ANKRD22: variants seen among roughly 807,000 people sequenced by gnomAD.
The protein encoded by ANKRD22 is ankyrin repeat domain-containing protein 22.
ANKRD22 carries 24 observed loss-of-function variants against 25.7 expected under a neutral mutation model. The ratio of observed to expected loss-of-function variants is 0.93; its 90% CI spans 0.68 to 1.31. The LOEUF is 1.31. Among genes scored for constraint, ANKRD22 ranks in the 50% most tolerant of loss-of-function variants. ANKRD22 has a pLI of 0.00. For missense variants in ANKRD22, 214 were observed against 227.1 expected (o/e 0.94, Z 0.37); for synonymous variants, 84 against 84.3 (o/e 1.00, Z 0.02).
At chr10:88,825,946 A>T in intron 4 of ANKRD22, 92 bp downstream of exon 4, 1 of 1,078,382 alleles carries the variant, frequency 9.3e-7, no homozygotes, top group Non-Finnish European at 1.3e-6. Flanking sequence ...AAAATTGTCT[A>T]GGAAAATAAA....
At chr10:88,832,597 T>C (rs1011679193) in intron 1 of ANKRD22, among the ~76,000 whole-genome samples, 1 of 152,146 alleles carries the variant, frequency 6.6e-6, no homozygotes, top group African/African-American at 2.4e-5. Flanking sequence ...GGGAGGAGTT[T>C]AGGGCAGTAC....
intron 4 of ANKRD22, 84 bp downstream of exon 4, chr10:88,825,954 A>T: frequency 8.6e-7 from 1 of 1,156,892 alleles, no homozygotes; most frequent in Middle Eastern, 2.4e-4. Flanking sequence ...CTAGGAAAAT[A>T]AAGCAACTGT....
rs540250940 is a variant in ANKRD22 at position 88,824,045 on chromosome 10, T to G, written c.400-667A>C. ...GTCACCATCTTTCCCTTAAAGAGTC[T>G]CCACATGGCCCTTTACATAAACATT... On this transcript the variant is annotated intron_variant, in intron 4 of 5. Transcript: ENST00000371930. 2.6e-5 allele frequency among the ~76,000 whole-genome samples: 4 copies of G among 152,348 alleles called. No homozygotes were observed. In the South Asian group the frequency reaches 8.3e-4, roughly 32 times the overall value.
In ANKRD22 at chr10:88,823,012, C is replaced by A; in HGVS notation, c.505G>T (p.Glu169Ter). Residue 169 changes from glutamate (E) to a stop codon, truncating the protein, a stop_gained, in exon 6 of 6, where the codon GAG becomes TAG. Coordinates refer to ENST00000371930, the MANE Select transcript of ANKRD22 (RefSeq NM_144590.3). LOFTEE classifies it high-confidence loss of function. The part of the protein sequence containing the change: ...ADPTIKNKHG[E>*]SSLDIARRLK... The stretch of plus-strand genomic sequence containing the variant: ...CTCCGTGCAATATCCAGTGAGCTCT[C>A]ACCATGCTGAGGGGGGAAAAATATA... The A allele has an allele frequency of 6.2e-7, 1 of 1,613,372 alleles. No homozygotes were observed. Among genetic ancestry groups the A allele is most frequent in the Non-Finnish European group, 8.5e-7 (1 of 1,179,370 alleles).
At chr10:88,841,425 A>C (rs569054146) in intron 1 of ANKRD22, among the ~76,000 whole-genome samples, 30 of 152,172 alleles carry the variant, frequency 2.0e-4, no homozygotes, top group Non-Finnish European at 4.1e-4. Flanking sequence ...CTTCCATTTC[A>C]TTGGTGTAAC....
Position 88,850,339 on chromosome 10 carries a change from A to G in ANKRD22, c.21+1248T>C, listed in dbSNP as rs548048264. ...TCTGAAAAAGCAACCAAAATGCAGA[A>G]TCTTAGGTCCCACCCAGGTCTACAA... On this transcript the variant is annotated intron_variant, in intron 1 of 5. Transcript: ENST00000371930. 2.0e-5 allele frequency among the ~76,000 whole-genome samples: 3 copies of G among 152,150 alleles called. No individual in the cohort carries two copies. In the East Asian group the frequency reaches 5.8e-4, roughly 29 times the overall value.
At position 88,820,633 on chromosome 10, in the gene ANKRD22, C is replaced by G; in HGVS notation, c.*2308G>C. On this transcript the variant is annotated 3_prime_UTR_variant, in exon 6 of 6. Transcript: ENST00000371930. ...CCTGCACTTGGCACTAAATCCGACA[C>G]TTACATTTACATTTTTTTTCTGTAA... 1.2e-6 allele frequency: 1 copy of G among 829,882 alleles called. No individual in the cohort carries two copies. The highest frequency in any genetic ancestry group is 1.9e-5 in the South Asian group (1 of 52,182). The allele number at this position is 829,882 out of a possible 1,614,324, so 51.4% of individuals were successfully genotyped here. A position where few individuals can be genotyped will look rare whatever the true frequency, so the allele number is the denominator to read the frequency against.
In ANKRD22 at chr10:88,848,194, G is replaced by GTA. The variant is rs1423280841; in HGVS notation, c.21+3391_21+3392dup. 8.3e-5 allele frequency among the ~76,000 whole-genome samples: 12 copies of GTA among 145,370 alleles called. No individual in the cohort carries two copies. The South Asian group carries it at 2.1e-3, about 26-fold the overall frequency. On this transcript the variant is annotated intron_variant, in intron 1 of 5. Transcript: ENST00000371930. ...TATGTGTATATATATATGTATATAT[G>GTA]TATATATACATATATATATACATAT...
At chr10:88,829,580 T>C (rs1043109845) in intron 2 of ANKRD22, among the ~76,000 whole-genome samples, 1 of 152,258 alleles carries the variant, frequency 6.6e-6, no homozygotes, top group Non-Finnish European at 1.5e-5. Context: ...TAGAATGATA[T>C]TGCATATGCA....
At chr10:88,830,327 CA>C (rs1843892161) in intron 2 of ANKRD22, among the ~76,000 whole-genome samples, 1 of 152,118 alleles carries the variant, frequency 6.6e-6, no homozygotes, top group Admixed American at 6.5e-5. Context: ...GTCAGTTTGA[CA>C]GACAAAAACA....
Position 88,822,543 on chromosome 10 carries a change from G to GGTTTTTTTT in ANKRD22, c.*397_*398insAAAAAAAAC. 5.1e-5 allele frequency: 1 copy of GGTTTTTTTT among 19,724 alleles called. No homozygotes were observed. The highest frequency in any genetic ancestry group is 5.7e-4 in the Admixed American group (1 of 1,746). 1.2% of individuals were successfully genotyped at this position (19,724 alleles called of 1,614,324 possible). A position where few individuals can be genotyped will look rare whatever the true frequency, so the allele number is the denominator to read the frequency against. Reference sequence around the variant, plus strand: ...GAAAGACTGAGTTTGGAACACCAGGGCTTTTTTTTTTTTTTTTTTTTTTGA... The same window carrying GGTTTTTTTT: ...GAAAGACTGAGTTTGGAACACCAGGGGTTTTTTTTCTTTTTTTTTTTTTTTTTTTTTTGA... On this transcript the variant is annotated 3_prime_UTR_variant, in exon 6 of 6. Coordinates refer to ENST00000371930, the MANE Select transcript of ANKRD22 (RefSeq NM_144590.3).
rs891119590 is a variant in ANKRD22, at chr10:88,821,603, G to A, written c.*1338C>T. ...CTTAATTTATTAAGACACGTTTAAA[G>A]ACTTCAGAATCTATATCTACACACT... On this transcript the variant is annotated 3_prime_UTR_variant, in exon 6 of 6. Transcript: ENST00000371930. Among the ~76,000 whole-genome samples the A allele has an allele frequency of 1.3e-5, 2 of 151,960 alleles. No homozygotes were observed. Among genetic ancestry groups the A allele is most frequent in the African/African-American group, 4.8e-5 (2 of 41,344 alleles).
chr10:88,823,543 T>C, intron 4 of ANKRD22, 165 bp from the exon 5 acceptor site: 1 of 598,628 alleles, frequency 1.7e-6, no homozygotes, highest in South Asian at 2.0e-5. Flanking sequence ...TTAAAAAATT[T>C]TTCGCCGGGC....
intron 1 of ANKRD22, among the ~76,000 whole-genome samples, chr10:88,837,648 A>G (rs967395344): frequency 1.3e-5 from 2 of 152,190 alleles, no homozygotes; most frequent in African/African-American, 2.4e-5. Context: ...ATACATCTAG[A>G]TAACTAATAT....
Position 88,820,363 on chromosome 10 carries a change from T to C in ANKRD22, c.*2578A>G. On this transcript the variant is annotated 3_prime_UTR_variant, in exon 6 of 6. Coordinates refer to ENST00000371930, the MANE Select transcript of ANKRD22 (RefSeq NM_144590.3). Reference sequence around the variant, plus strand: ...CTGAGGTGACCAACCTCATCTACCATAAGAATATTCCTGAATGGGCTCACG... The same window carrying C: ...CTGAGGTGACCAACCTCATCTACCACAAGAATATTCCTGAATGGGCTCACG... The C allele has an allele frequency of 6.4e-7, 1 of 1,552,284 alleles. No individual in the cohort carries two copies.
chr10:88,845,818 T>A (rs1718917295), intron 1 of ANKRD22, among the ~76,000 whole-genome samples: 1 of 152,164 alleles, frequency 6.6e-6, no homozygotes, highest in Non-Finnish European at 1.5e-5. Flanking sequence ...GTGGCCTTTT[T>A]AAACCCTAAT....
intron 2 of ANKRD22, among the ~76,000 whole-genome samples, chr10:88,828,987 C>G (rs1175074391): frequency 6.6e-6 from 1 of 152,210 alleles, no homozygotes. Context: ...AAACTTAGGA[C>G]TGAATTTACT....
At chr10:88,826,418 T>C (rs1428444489) in intron 3 of ANKRD22, among the ~76,000 whole-genome samples, 1 of 152,152 alleles carries the variant, frequency 6.6e-6, no homozygotes, top group Non-Finnish European at 1.5e-5. Context: ...GTCTTTCCCT[T>C]CCTGGCTCAA....
rs571007647 is a variant in ANKRD22, at chr10:88,850,835, TA to T, written c.21+751del. Among the ~76,000 whole-genome samples, 75 of 152,232 alleles carry T rather than the reference TA, an allele frequency of 4.9e-4. 1 individual carries two copies. The South Asian group carries it at 0.013, about 26-fold the overall frequency. On this transcript the variant is annotated intron_variant, in intron 1 of 5. Coordinates refer to ENST00000371930, the MANE Select transcript of ANKRD22 (RefSeq NM_144590.3). ...ACTGTCTTTAATACTAGATCAAAACTATCCAAGAAGGTTCCCCTGAGCATCT... is the reference window on the plus strand; with the variant it reads ...ACTGTCTTTAATACTAGATCAAAACTTCCAAGAAGGTTCCCCTGAGCATCT...
Sources: allele counts gnomAD v4.1 joint callset (sites outside exome capture counted in the v4.1 genomes callset), GRCh38; gene constraint gnomAD v4.1.1; transcripts MANE v1.5; gene names NCBI Gene and HGNC (gene_info 2026-07-23, HGNC 2026-07-21).